Variants in OR51B5 observed in about 807,000 individuals in gnomAD.
The protein encoded by OR51B5 is olfactory receptor 51B5.
For missense variants in OR51B5, 456 were observed against 374.6 expected (o/e 1.22, Z -1.79); for synonymous variants, 186 against 144.8 (o/e 1.28, Z -2.04).
At chr11:5,395,167 C>A (rs1267891180) in intron 1 of OR51B5, among the ~76,000 whole-genome samples, 2 of 152,142 alleles carry the variant, frequency 1.3e-5, no homozygotes, top group African/African-American at 4.8e-5. Context: ...TGACATTCAT[C>A]AAGTCTGCGT....
At chr11:5,489,083 A>T (rs1455595256) in intron 1 of OR51B5, 2 of 1,613,948 alleles carry the variant, frequency 1.2e-6, no homozygotes, top group African/African-American at 2.7e-5. Context: ...TTTGATAGGT[A>T]TGTGGCTATC....
exon 1 of OR51B5, chr11:5,343,417 G>A: frequency 6.2e-7 from 1 of 1,613,452 alleles, no homozygotes. Flanking sequence ...TGCCAAAAAG[G>A]ATGGATATAT....
intron 1 of OR51B5, among the ~76,000 whole-genome samples, chr11:5,470,315 G>A (rs1317315411): frequency 6.6e-6 from 1 of 152,114 alleles, no homozygotes; most frequent in East Asian, 1.9e-4. Flanking sequence ...TCCCCCCGAG[G>A]ATCAATTTTG....
At chr11:5,367,840 A>T (rs879371273) in intron 1 of OR51B5, among the ~76,000 whole-genome samples, 6 of 152,194 alleles carry the variant, frequency 3.9e-5, no homozygotes, top group Admixed American at 2.0e-4. Flanking sequence ...CAATATATGC[A>T]TTCAAAAATG....
downstream of OR51B5, chr11:5,342,432 G>T: frequency 2.1e-6 from 1 of 477,506 alleles, no homozygotes; most frequent in Non-Finnish European, 2.7e-6. Flanking sequence ...AAAGAGTTGG[G>T]CTTAAAGAGA....
chr11:5,410,478 G>A (rs190109671), intron 1 of OR51B5, among the ~76,000 whole-genome samples: 16 of 152,190 alleles, frequency 1.1e-4, no homozygotes, highest in Middle Eastern at 3.4e-3. Context: ...TTCACATAAT[G>A]ACTTTTCAAT....
At chr11:5,432,227 A>G (rs1433534892) in intron 1 of OR51B5, among the ~76,000 whole-genome samples, 1 of 152,120 alleles carries the variant, frequency 6.6e-6, no homozygotes, top group African/African-American at 2.4e-5. Flanking sequence ...TACCTACATG[A>G]TATCAACTTT....
rs765470844 is a variant in OR51B5 at position 5,351,614 on chromosome 11, T to C, written n.85-4704A>G. ...CCATTATTGGCAGCCTACATCTCCA[T>C]ACTTCTTGGCAATGGCACTCTTCTC... On this transcript the variant is annotated intron_variant and non_coding_transcript_variant, in intron 1 of 4. Transcript: ENST00000415970. 6 of 1,614,140 alleles carry C rather than the reference T, an allele frequency of 3.7e-6. No homozygotes were observed. The South Asian group carries it at 4.4e-5, about 12-fold the overall frequency.
At chr11:5,415,407 G>A (rs1225300109) in intron 1 of OR51B5, among the ~76,000 whole-genome samples, 1 of 150,790 alleles carries the variant, frequency 6.6e-6, no homozygotes, top group South Asian at 2.1e-4. Flanking sequence ...CTAGCAGAAG[G>A]CAAGAAATAA....
chr11:5,408,449 T>A (rs1480434875), intron 1 of OR51B5, among the ~76,000 whole-genome samples: 1 of 146,480 alleles, frequency 6.8e-6, no homozygotes, highest in Non-Finnish European at 1.5e-5. Context: ...GGATATAATT[T>A]GGAAAAAATA....
At chr11:5,452,895 C>T (rs1193524678) in intron 1 of OR51B5, among the ~76,000 whole-genome samples, 1 of 152,198 alleles carries the variant, frequency 6.6e-6, no homozygotes, top group Non-Finnish European at 1.5e-5. Context: ...AGTAATTCTG[C>T]CAATGAAAAG....
At position 5,352,404 on chromosome 11, in the gene OR51B5, T is replaced by C. The variant is rs1170302405; in HGVS notation, n.85-5494A>G. The C allele has an allele frequency of 1.9e-6, 3 of 1,611,410 alleles. No homozygotes were observed. The African/African-American group carries it at 4.0e-5, about 22-fold the overall frequency. On this transcript the variant is annotated intron_variant and non_coding_transcript_variant, in intron 1 of 4. Transcript: ENST00000415970. Reference sequence around the variant, plus strand: ...GCATTAAAACTAAGCAGATTCAGAGTGGCATACTTCGTTTATTCTCTCTGC... The same window carrying C: ...GCATTAAAACTAAGCAGATTCAGAGCGGCATACTTCGTTTATTCTCTCTGC...
At chr11:5,490,344 T>C (rs927511593) in intron 1 of OR51B5, among the ~76,000 whole-genome samples, 3 of 152,374 alleles carry the variant, frequency 2.0e-5, no homozygotes, top group Middle Eastern at 6.8e-3. Flanking sequence ...AAACTTTTTT[T>C]ACATTACCTC....
chr11:5,395,506 T>C (rs1849855179), intron 1 of OR51B5, among the ~76,000 whole-genome samples: 1 of 152,224 alleles, frequency 6.6e-6, no homozygotes, highest in South Asian at 2.1e-4. Context: ...TCTCCCGTGA[T>C]GTTTTTGATG....
intron 1 of OR51B5, chr11:5,352,029 T>A (rs1589947747): frequency 1.9e-6 from 3 of 1,613,876 alleles, no homozygotes; most frequent in African/African-American, 1.3e-5. Flanking sequence ...TACTCTCCCA[T>A]GCTTTCTGTC....
At chr11:5,387,297 G>A (rs1849709967) in intron 1 of OR51B5, among the ~76,000 whole-genome samples, 1 of 152,066 alleles carries the variant, frequency 6.6e-6, no homozygotes, top group South Asian at 2.1e-4. Flanking sequence ...ATCAATAAAA[G>A]CAGGTATGAT....
intron 1 of OR51B5, among the ~76,000 whole-genome samples, chr11:5,373,970 G>A (rs1849483517): frequency 1.3e-5 from 2 of 152,196 alleles, no homozygotes; most frequent in Admixed American, 6.5e-5. Context: ...CAGCTTTGAG[G>A]AGAGCAGTGG....
At chr11:5,428,009 G>C (rs552339763) in intron 1 of OR51B5, among the ~76,000 whole-genome samples, 1 of 152,104 alleles carries the variant, frequency 6.6e-6, no homozygotes, top group East Asian at 1.9e-4. Flanking sequence ...TAAAGAACAT[G>C]TTCATGTATT....
At position 5,449,715 on chromosome 11, in the gene OR51B5, G is replaced by A. The variant is rs2647613; in HGVS notation, n.84+55854C>T. Reference sequence around the variant, plus strand: ...GAAGCAGGACTCAGGATACAGGAACGGTTCGGGAATCTAGAAGGGAAGTGG... The same window carrying A: ...GAAGCAGGACTCAGGATACAGGAACAGTTCGGGAATCTAGAAGGGAAGTGG... On this transcript the variant is annotated intron_variant and non_coding_transcript_variant, in intron 1 of 4. Coordinates refer to the OR51B5 transcript ENST00000415970. 7.6e-3 allele frequency among the ~76,000 whole-genome samples: 1,160 copies of A among 152,226 alleles called. 20 individuals are homozygous for A. Among genetic ancestry groups the A allele is most frequent in the African/African-American group, 0.027 (1,130 of 41,540 alleles).
Sources: allele counts gnomAD v4.1 joint callset (sites outside exome capture counted in the v4.1 genomes callset), GRCh38; gene constraint gnomAD v4.1.1; transcripts MANE v1.5; gene names NCBI Gene and HGNC (gene_info 2026-07-23, HGNC 2026-07-21).